The following SELENOV variants were observed in gnomAD, a reference collection of about 807,000 sequenced individuals.
SELENOV encodes the protein selenoprotein V.
In SELENOV, 25 loss-of-function variants were observed where a neutral mutation model predicts 21.6. That is an observed-to-expected ratio of 1.16 (90% CI 0.84 to 1.62). The LOEUF is 1.62. Among genes scored for constraint, SELENOV ranks in the 40% most tolerant of loss-of-function variants. SELENOV has a pLI of 0.00. For missense variants in SELENOV, 472 were observed against 459.0 expected, an observed-to-expected ratio of 1.03 and a Z score of -0.26; for synonymous variants, 227 against 216.9, an observed-to-expected ratio of 1.05 and a Z score of -0.41.
intron 1 of SELENOV, among the ~76,000 whole-genome samples, chr19:39,517,442 C>T (rs147231244): frequency 0.013 from 1,941 of 152,172 alleles, 48 homozygotes; most frequent in African/African-American, 0.045. Flanking sequence ...ATAATATGAC[C>T]TGTAGAAAAT....
Position 39,515,237 on chromosome 19 carries a change from GC to G in SELENOV, c.30del (p.Ser11ProfsTer36), listed in dbSNP as rs2079687756. On this transcript the variant is annotated frameshift_variant, in exon 1 of 6. Coordinates refer to ENST00000335426, the Ensembl canonical transcript of SELENOV. LOFTEE classifies it high-confidence loss of function. The surrounding 1 kb of genome is among the most constrained non-coding windows in gnomAD (Gnocchi z 5.1). Reference sequence around the variant, plus strand: ...CATGAATAACCAGGCGCGGACCCCAGCCCCCTCCTCGGCGCGGACTTCAACC... The same window carrying G: ...CATGAATAACCAGGCGCGGACCCCAGCCCCTCCTCGGCGCGGACTTCAACC... 2.6e-6 allele frequency: 4 copies of G among 1,549,714 alleles called. No homozygotes were observed. Among genetic ancestry groups the G allele is most frequent in the Non-Finnish European group, 3.5e-6 (4 of 1,146,588 alleles).
exon 5 of SELENOV, chr19:39,519,122 A>G: frequency 6.2e-7 from 1 of 1,613,792 alleles, no homozygotes; most frequent in African/African-American, 1.3e-5. Flanking sequence ...TGTGAGCGTT[A>G]TCGATGAGGA....
intron 1 of SELENOV, among the ~76,000 whole-genome samples, chr19:39,517,009 A>AT (rs1318433174): frequency 6.7e-6 from 1 of 149,562 alleles, no homozygotes; most frequent in Non-Finnish European, 1.5e-5. Context: ...TAATTTTTAA[A>AT]TTTTGTTGTA....
At chr19:39,516,043 C>T (rs2144772965) in intron 1 of SELENOV, 22 bp downstream of exon 1, 1 of 1,557,158 alleles carries the variant, frequency 6.4e-7, no homozygotes, top group Non-Finnish European at 8.7e-7. Flanking sequence ...ACACATGCCT[C>T]TCCCAACCCC....
chr19:39,517,248 A>G, intron 1 of SELENOV, among the ~76,000 whole-genome samples: 1 of 151,234 alleles, frequency 6.6e-6, no homozygotes, highest in Non-Finnish European at 1.5e-5. Context: ...TCTCCATCTT[A>G]TCTTTTCTGT....
chr19:39,515,417 A>ATTCCCACTCTGG lies in SELENOV; in HGVS notation c.207_218dup (p.Leu72_Thr75dup). On this transcript the variant is annotated inframe_insertion, in exon 1 of 6. Transcript: ENST00000335426. This position sits in a 1 kb window ranked among gnomAD's most constrained non-coding sequence, Gnocchi z 5.1. ...GGTCCTGACTCCTGCTCCAGCCCAG[A>ATTCCCACTCTGG]TTCCCACTCTGGTCCCCACTCCCGC... The ATTCCCACTCTGG allele has an allele frequency of 1.9e-6, 3 of 1,551,192 alleles. No homozygotes were observed. Among genetic ancestry groups the ATTCCCACTCTGG allele is most frequent in the Non-Finnish European group, 2.6e-6 (3 of 1,146,868 alleles).
At position 39,515,172 on chromosome 19, in the gene SELENOV, CG is replaced by C; in HGVS notation, c.-38del. The C allele has an allele frequency of 1.6e-6, 2 of 1,233,510 alleles. No homozygotes were observed. The highest frequency in any genetic ancestry group is 2.3e-6 in the Non-Finnish European group (2 of 873,070). 76.4% of individuals were successfully genotyped at this position (1,233,510 alleles called of 1,614,324 possible). The stretch of plus-strand genomic sequence containing the variant: ...TCCCCGCCCAAAGAGGGAAGGCGGG[CG>C]GGACTCCCCAACCGGCTTGCCCCGG... On this transcript the variant is annotated 5_prime_UTR_variant, in exon 1 of 6. Coordinates refer to ENST00000335426, the Ensembl canonical transcript of SELENOV. This position sits in a 1 kb window ranked among gnomAD's most constrained non-coding sequence, Gnocchi z 5.1.
chr19:39,518,572 C>CAA, intron 1 of SELENOV, 36 bp from the exon 2 acceptor site: 1 of 1,580,632 alleles, frequency 6.3e-7, no homozygotes. Context: ...TCCCTGGTCT[C>CAA]TCTCTTAACT....
chr19:39,518,504 A>G, intron 1 of SELENOV, 104 bp from the exon 2 acceptor site: 1 of 1,119,786 alleles, frequency 8.9e-7, no homozygotes, highest in South Asian at 1.3e-5. Flanking sequence ...GAGGAACATG[A>G]TCTAACTCAG....
rs746961689 is a variant in SELENOV, at chr19:39,515,118, C to T, written c.-95C>T. The stretch of plus-strand genomic sequence containing the variant: ...AACAGAGCCCCCAGTGGTCGCGCCG[C>T]GTCTCAGAACCCGGTGCGGGAGACG... On this transcript the variant is annotated 5_prime_UTR_variant, in exon 1 of 6. Transcript: ENST00000335426. This position sits in a 1 kb window ranked among gnomAD's most constrained non-coding sequence, Gnocchi z 5.1. 5.2e-6 allele frequency: 4 copies of T among 774,118 alleles called. No homozygotes were observed. Among genetic ancestry groups the T allele is most frequent in the Non-Finnish European group, 8.2e-6 (4 of 486,868 alleles). The allele number at this position is 774,118 out of a possible 1,614,324, so 48.0% of individuals were successfully genotyped here.
At chr19:39,518,741 A>G (rs778980825) in exon 3 of SELENOV, 3 of 1,613,734 alleles carry the variant, frequency 1.9e-6, no homozygotes, top group South Asian at 1.1e-5. Context: ...TCCCCTCAGT[A>G]CATTCTACTG....
At chr19:39,517,895 T>C (rs762691318) in intron 1 of SELENOV, among the ~76,000 whole-genome samples, 3 of 130,192 alleles carry the variant, frequency 2.3e-5, no homozygotes, top group Non-Finnish European at 3.1e-5. Context: ...ACCCAGGAGG[T>C]GGAAGGTTGC....
At chr19:39,518,840 G>C in intron 3 of SELENOV, 47 bp downstream of exon 3, 1 of 1,610,766 alleles carries the variant, frequency 6.2e-7, no homozygotes, top group Non-Finnish European at 8.5e-7. Flanking sequence ...TCAGGGATCT[G>C]AGATCCCCAA....
At chr19:39,518,294 C>CAAAAAAAAAA (rs56055153) in intron 1 of SELENOV, among the ~76,000 whole-genome samples, 284 of 106,966 alleles carry the variant, frequency 2.7e-3, no homozygotes, top group South Asian at 7.0e-3. Flanking sequence ...AACAAAAAAA[C>CAAAAAAAAAA]AAAAAAAAAA....
chr19:39,517,773 G>A (rs181141894), intron 1 of SELENOV, among the ~76,000 whole-genome samples: 260 of 151,044 alleles, frequency 1.7e-3, no homozygotes, highest in African/African-American at 5.9e-3. Context: ...TGGGCAACAC[G>A]GCAACATGGT....
At chr19:39,517,580 A>C (rs12461523) in intron 1 of SELENOV, among the ~76,000 whole-genome samples, 46,104 of 151,872 alleles carry the variant, frequency 0.3, 7,012 homozygotes, top group East Asian at 0.32. Context: ...TGAAGGAAGG[A>C]GAGAAGGAGT....
chr19:39,518,780 A>C, exon 3 of SELENOV: 1 of 1,613,688 alleles, frequency 6.2e-7, no homozygotes, highest in South Asian at 1.1e-5. Flanking sequence ...CAATTTCCGA[A>C]TCACCTACTC....
At position 39,515,822 on chromosome 19, in the gene SELENOV, G is replaced by A; in HGVS notation, c.610G>A (p.Gly204Arg). The stretch of plus-strand genomic sequence containing the variant: ...CACCCCGCTGGCCGCGAACTCACCC[G>A]GGCCCACCCTGGACTTCACCTTCAG... Residue 204 changes from glycine to arginine, a missense_variant, in exon 1 of 6, where the codon GGG (glycine) becomes AGG (arginine). Gly to Arg is a moderately radical substitution (Grantham distance 125). Coordinates refer to ENST00000335426, the Ensembl canonical transcript of SELENOV. The surrounding 1 kb of genome is among the most constrained non-coding windows in gnomAD (Gnocchi z 5.1). 1 of 1,550,408 alleles carries A rather than the reference G, an allele frequency of 6.4e-7. No individual in the cohort carries two copies. The highest frequency in any genetic ancestry group is 1.2e-5 in the South Asian group (1 of 84,048).
At chr19:39,518,128 G>A (rs1322733391) in intron 1 of SELENOV, among the ~76,000 whole-genome samples, 4 of 151,540 alleles carry the variant, frequency 2.6e-5, no homozygotes, top group African/African-American at 2.4e-5. Context: ...AAAATTACCC[G>A]GGCGTGGTGG....
Sources: allele counts gnomAD v4.1 joint callset (sites outside exome capture counted in the v4.1 genomes callset), GRCh38; gene constraint gnomAD v4.1.1; non-coding constraint Gnocchi (gnomAD v3.1); transcripts MANE v1.5; gene names NCBI Gene and HGNC (gene_info 2026-07-23, HGNC 2026-07-21).